ADGRB3: variants seen among roughly 807,000 people sequenced by gnomAD.
ADGRB3 encodes brain-specific angiogenesis inhibitor 3.
Under a neutral mutation model 193.4 loss-of-function variants are expected in ADGRB3, and 37 were observed. The ratio of observed to expected loss-of-function variants is 0.19; its 90% CI spans 0.15 to 0.25. ADGRB3 has a LOEUF of 0.25. Ranked by LOEUF, ADGRB3 falls within the 10% of genes least tolerant of loss-of-function variation. The probability of loss-of-function intolerance (pLI) is 1.00; values close to 1 mark genes in which losing one functional copy is unlikely to be tolerated. For missense variants in ADGRB3, 1,637 were observed against 1,852.9 expected, an observed-to-expected ratio of 0.88 and a Z score of 2.14; for synonymous variants, 690 against 644.2, an observed-to-expected ratio of 1.07 and a Z score of -1.08.
intron 3 of ADGRB3, among the ~76,000 whole-genome samples, chr6:68,713,199 T>C (rs1765433755): frequency 6.6e-6 from 1 of 151,916 alleles, no homozygotes; most frequent in African/African-American, 2.4e-5. Context: ...ATAAAATGGC[T>C]GAGAGATCAA....
chr6:68,952,621 A>G (rs1338073483), intron 6 of ADGRB3, among the ~76,000 whole-genome samples: 1 of 152,110 alleles, frequency 6.6e-6, no homozygotes, highest in Non-Finnish European at 1.5e-5. Flanking sequence ...CACGTTGTGC[A>G]CATGTACTCT....
intron 11 of ADGRB3, among the ~76,000 whole-genome samples, chr6:69,007,985 T>C (rs1246662440): frequency 1.3e-5 from 2 of 152,098 alleles, no homozygotes; most frequent in Non-Finnish European, 2.9e-5. Flanking sequence ...GAACCCTGCG[T>C]CCTAACATAG....
intron 10 of ADGRB3, among the ~76,000 whole-genome samples, chr6:68,984,194 A>C (rs1320969839): frequency 6.6e-6 from 1 of 152,174 alleles, no homozygotes; most frequent in Non-Finnish European, 1.5e-5. Context: ...AGAGGGTCAT[A>C]TGAGGTTTCT....
intron 3 of ADGRB3, among the ~76,000 whole-genome samples, chr6:68,911,999 G>A (rs6924584): frequency 0.03 from 4,543 of 151,912 alleles, 199 homozygotes; most frequent in African/African-American, 0.1. Flanking sequence ...AAAACATAGA[G>A]CACTGTTACA....
chr6:68,874,818 A>G (rs1375186760), intron 3 of ADGRB3, among the ~76,000 whole-genome samples: 2 of 152,172 alleles, frequency 1.3e-5, no homozygotes, highest in Non-Finnish European at 2.9e-5. Flanking sequence ...TAAGCAGTCT[A>G]TATATGAATA....
intron 3 of ADGRB3, among the ~76,000 whole-genome samples, chr6:68,660,212 T>C (rs1421506120): frequency 2.0e-5 from 3 of 150,086 alleles, no homozygotes; most frequent in African/African-American, 4.9e-5. Flanking sequence ...TTTCAGATGT[T>C]TAATATATTT....
At chr6:68,714,550 A>G (rs1267773615) in intron 3 of ADGRB3, among the ~76,000 whole-genome samples, 1 of 151,882 alleles carries the variant, frequency 6.6e-6, no homozygotes, top group African/African-American at 2.4e-5. Flanking sequence ...ACATTGGTGT[A>G]TTGAAACATT....
rs144781509 is a variant in ADGRB3 at position 69,321,960 on chromosome 6, T to C, written c.2815-2912T>C. On this transcript the variant is annotated intron_variant, in intron 20 of 31. Coordinates refer to ENST00000370598, the MANE Select transcript of ADGRB3 (RefSeq NM_001704.3). ...TTGTACAGATTATTTATCACTTAGG[T>C]ATTAAGCCTAGTACCAATTAGTTAT... 7.9e-5 allele frequency among the ~76,000 whole-genome samples: 12 copies of C among 151,888 alleles called. No homozygotes were observed. The East Asian group carries it at 1.6e-3, about 20-fold the overall frequency.
Position 68,639,265 on chromosome 6 carries a change from C to T in ADGRB3, c.590C>T (p.Thr197Ile). ...TGTGGGATCATGTATACAAAATGCACCTGCCCTCAGCATTTGGGAGAGTGG... is the reference window on the plus strand; with the variant it reads ...TGTGGGATCATGTATACAAAATGCATCTGCCCTCAGCATTTGGGAGAGTGG... ...ESCGIMYTKCTCPQHLGEWGI... is the reference protein window; with the variant it reads ...ESCGIMYTKCICPQHLGEWGI... The change falls in exon 3 of 32, where the codon ACC becomes ATC. Residue 197 changes from threonine (T) to isoleucine (I), a missense_variant. Thr to Ile is a moderately conservative substitution (Grantham distance 89, BLOSUM62 -1). Around this residue, in one of 7 missense-constraint regions of ADGRB3, gnomAD observed 365 missense variants for 409.8 expected, o/e 0.89. Coordinates refer to ENST00000370598, the MANE Select transcript of ADGRB3 (RefSeq NM_001704.3). 1 of 1,614,072 alleles carries T rather than the reference C, an allele frequency of 6.2e-7. No individual in the cohort carries two copies. Among genetic ancestry groups the T allele is most frequent in the Non-Finnish European group, 8.5e-7 (1 of 1,180,032 alleles).
At chr6:68,843,111 G>A (rs1768196850) in intron 3 of ADGRB3, among the ~76,000 whole-genome samples, 1 of 150,596 alleles carries the variant, frequency 6.6e-6, no homozygotes, top group South Asian at 2.1e-4. Flanking sequence ...TTTCCTCTAA[G>A]ATCTGAAACA....
chr6:69,207,870 G>A (rs1765572313), intron 17 of ADGRB3, among the ~76,000 whole-genome samples: 1 of 152,220 alleles, frequency 6.6e-6, no homozygotes, highest in Non-Finnish European at 1.5e-5. Flanking sequence ...TGAGTCCACA[G>A]ATGGTAGTCT....
intron 3 of ADGRB3, among the ~76,000 whole-genome samples, chr6:68,739,860 A>T (rs1765943187): frequency 6.6e-6 from 1 of 152,128 alleles, no homozygotes; most frequent in Non-Finnish European, 1.5e-5. Flanking sequence ...TAGTTTCATT[A>T]TCTCACTTGT....
chr6:68,668,569 T>A (rs1768857641), intron 3 of ADGRB3, among the ~76,000 whole-genome samples: 1 of 151,940 alleles, frequency 6.6e-6, no homozygotes, highest in Admixed American at 6.6e-5. Flanking sequence ...AGGAAATAAT[T>A]TATTTTCAAA....
intron 20 of ADGRB3, among the ~76,000 whole-genome samples, chr6:69,248,156 G>A (rs1170073720): frequency 1.3e-5 from 2 of 152,080 alleles, no homozygotes; most frequent in Non-Finnish European, 2.9e-5. Flanking sequence ...TTCTCCCTAT[G>A]TATTATTTTT....
At chr6:68,861,388 C>T (rs1003398985) in intron 3 of ADGRB3, among the ~76,000 whole-genome samples, 3 of 151,932 alleles carry the variant, frequency 2.0e-5, no homozygotes, top group East Asian at 1.9e-4. Context: ...GGTGAAACCC[C>T]GTCTCTACTA....
intron 5 of ADGRB3, among the ~76,000 whole-genome samples, chr6:68,939,163 AC>A (rs1767568465): frequency 6.6e-6 from 1 of 152,180 alleles, no homozygotes; most frequent in South Asian, 2.1e-4. Flanking sequence ...CCACCTTTGC[AC>A]TGTGTCCGAT....
At chr6:69,284,930 A>G (rs939403704) in intron 20 of ADGRB3, among the ~76,000 whole-genome samples, 2 of 152,300 alleles carry the variant, frequency 1.3e-5, no homozygotes, top group South Asian at 2.1e-4. Context: ...TGGATTTAAC[A>G]CATAAAATTG....
chr6:68,782,891 T>G (rs1001521401), intron 3 of ADGRB3, among the ~76,000 whole-genome samples: 1 of 151,980 alleles, frequency 6.6e-6, no homozygotes, highest in African/African-American at 2.4e-5. Context: ...GTCAGATGAG[T>G]AAGTATACTC....
intron 17 of ADGRB3, among the ~76,000 whole-genome samples, chr6:69,165,663 A>G (rs955813017): frequency 6.6e-6 from 1 of 152,036 alleles, no homozygotes; most frequent in Non-Finnish European, 1.5e-5. Context: ...GTTCCTTTGC[A>G]TACTCTAGAG....
Sources: allele counts gnomAD v4.1 joint callset (sites outside exome capture counted in the v4.1 genomes callset), GRCh38; gene constraint gnomAD v4.1.1; regional missense constraint gnomAD v4.1.1; transcripts MANE v1.5; gene names NCBI Gene and HGNC (gene_info 2026-07-23, HGNC 2026-07-21).